REXO1: variants seen among roughly 807,000 people sequenced by gnomAD.
The protein encoded by REXO1 is REX1, RNA exonuclease 1 homolog.
REXO1 carries 42 observed loss-of-function variants against 102.6 expected under a neutral mutation model. The ratio of observed to expected loss-of-function variants is 0.41; its 90% CI spans 0.32 to 0.53. REXO1 has a LOEUF of 0.53. REXO1 is among the 20% of genes least tolerant of loss of function. The pLI is 0.27. For missense variants in REXO1, 1,819 were observed against 1,732.5 expected, an observed-to-expected ratio of 1.05 and a Z score of -0.89; for synonymous variants, 908 against 779.1, an observed-to-expected ratio of 1.17 and a Z score of -2.76.
intron 7 of REXO1, among the ~76,000 whole-genome samples, 176 bp downstream of exon 7, chr19:1,819,758 G>A (rs1016666348): frequency 6.6e-6 from 1 of 152,204 alleles, no homozygotes; most frequent in Non-Finnish European, 1.5e-5. Flanking sequence ...GGCCAGGTCC[G>A]TCCTACACAG....
rs1249409737 is a variant in REXO1 at position 1,828,180 on chromosome 19, G to A, written c.609C>T (p.Pro203=). Reference sequence around the variant, plus strand: ...GCCGCCGGGGCTGGCTCACAGCCTTGGGGACGTATTCCAGGGCACCGCCAC... The same window carrying A: ...GCCGCCGGGGCTGGCTCACAGCCTTAGGGACGTATTCCAGGGCACCGCCAC... ...GGGGGALEYV[P]KAVSQPRRHS... Residue 203 remains proline, a synonymous_variant, in exon 2 of 16, where the codon CCC becomes CCT. Transcript: ENST00000170168. The A allele has an allele frequency of 6.2e-7, 1 of 1,608,412 alleles. No individual in the cohort carries two copies. Among genetic ancestry groups the A allele is most frequent in the Non-Finnish European group, 8.5e-7 (1 of 1,178,466 alleles).
At chr19:1,835,661 G>A (rs1030805037) in intron 1 of REXO1, among the ~76,000 whole-genome samples, 3 of 152,208 alleles carry the variant, frequency 2.0e-5, no homozygotes, top group African/African-American at 7.2e-5. Context: ...GATAGGAGCA[G>A]GTGGGCTCCT....
chr19:1,846,928 T>C (rs915344245), intron 1 of REXO1, among the ~76,000 whole-genome samples: 4 of 152,116 alleles, frequency 2.6e-5, no homozygotes, highest in African/African-American at 7.2e-5. Context: ...GTGAGTCTGG[T>C]GTCACAGCCT....
intron 1 of REXO1, among the ~76,000 whole-genome samples, chr19:1,829,918 T>C (rs1568704237): frequency 6.6e-6 from 1 of 152,200 alleles, no homozygotes; most frequent in South Asian, 2.1e-4. Context: ...GCTGGGACTA[T>C]AGCCCAAGCT....
At chr19:1,829,316 G>A (rs945993293) in intron 1 of REXO1, among the ~76,000 whole-genome samples, 4 of 151,908 alleles carry the variant, frequency 2.6e-5, no homozygotes, top group East Asian at 3.9e-4. Flanking sequence ...TTGGCTCACC[G>A]CAGCCTCTAT....
At chr19:1,824,976 G>A (rs962325767) in intron 3 of REXO1, among the ~76,000 whole-genome samples, 4 of 151,646 alleles carry the variant, frequency 2.6e-5, no homozygotes, top group African/African-American at 4.8e-5. Context: ...TAGTAGAGAC[G>A]GGGTTTCACC....
rs1424597763 is a variant in REXO1 at position 1,816,753 on chromosome 19, C to T, written c.3262G>A (p.Val1088Met). 25 of 1,612,178 alleles carry T rather than the reference C, an allele frequency of 1.6e-5. No homozygotes were observed. The highest frequency in any genetic ancestry group is 2.7e-5 in the African/African-American group (2 of 74,566). Residue 1088 changes from valine to methionine, a missense_variant, in exon 13 of 16, where the codon GTG becomes ATG. Val to Met is a conservative substitution (Grantham distance 21). Transcript: ENST00000170168. Reference sequence around the variant, plus strand: ...GGCTTCACGAAGGTGTCATAAACCACGTGCACGTCCGTGTCGACCACCGTG... The same window carrying T: ...GGCTTCACGAAGGTGTCATAAACCATGTGCACGTCCGTGTCGACCACCGTG... ...RVTVVDTDVHVVYDTFVKPDN... is the reference protein window; with the variant it reads ...RVTVVDTDVHMVYDTFVKPDN...
chr19:1,837,699 G>C (rs1055408137), intron 1 of REXO1, among the ~76,000 whole-genome samples: 2 of 152,090 alleles, frequency 1.3e-5, no homozygotes, highest in East Asian at 1.9e-4. Flanking sequence ...GGTTCTCCTC[G>C]ACCCCCAGGG....
Position 1,816,467 on chromosome 19 carries a change from G to A in REXO1, c.3420C>T (p.Ile1140=), listed in dbSNP as rs144308719. 5.4e-4 allele frequency: 866 copies of A among 1,612,486 alleles called. 7 individuals are homozygous for A. In the African/African-American group the frequency reaches 0.01, roughly 19 times the overall value. The change falls in exon 14 of 16, where the codon ATC becomes ATT. Residue 1140 remains isoleucine, a synonymous_variant. Transcript: ENST00000170168. ...GGAGGTCGCTCTCCAGGCTGTGTCC[G>A]ATGAGGATGGTGTCAGCGCTGAACA... is the stretch of plus-strand genomic sequence containing the variant. The part of the protein sequence containing the change: ...LSMFSADTIL[I]GHSLESDLLA...
intron 4 of REXO1, chr19:1,823,208 C>A (rs541010327): frequency 3.9e-6 from 1 of 255,998 alleles, no homozygotes; most frequent in East Asian, 6.9e-5. Flanking sequence ...CCCACTCACA[C>A]GCCAGGAGAA....
In REXO1 at chr19:1,833,514, G is replaced by C. The variant is rs75435161; in HGVS notation, c.158-4883C>G. Among the ~76,000 whole-genome samples, 1,115 of 152,346 alleles carry C rather than the reference G, an allele frequency of 7.3e-3. 7 individuals are homozygous for C. Among genetic ancestry groups the C allele is most frequent in the Admixed American group, 0.012 (179 of 15,306 alleles). On this transcript the variant is annotated intron_variant, in intron 1 of 15. Coordinates refer to ENST00000170168, the MANE Select transcript of REXO1 (RefSeq NM_020695.4). ...GGGCACCCAACTAGGATCAGCAACT[G>C]TGGCTGCCAGTTCCTCTGTGCGGGG...
chr19:1,836,773 C>T (rs923591785), intron 1 of REXO1, among the ~76,000 whole-genome samples: 2 of 151,270 alleles, frequency 1.3e-5, no homozygotes, highest in Admixed American at 6.6e-5. Context: ...AAAAAGAACC[C>T]GGCAGGCCCA....
rs1204037542 is a variant in REXO1, at chr19:1,821,642, G to A, written c.2271C>T (p.Ser757=). Residue 757 remains serine, a synonymous_variant, in exon 5 of 16, where the codon AGC becomes AGT. Transcript: ENST00000170168. ...CTGGCTCAGGGCCGTTGGAGGACTGGCTGCCGCTGGCCGCAAGGGTCCTCT... is the reference window on the plus strand; with the variant it reads ...CTGGCTCAGGGCCGTTGGAGGACTGACTGCCGCTGGCCGCAAGGGTCCTCT... ...GAKRTLAASG[S]QSSNGPEPGG... is the part of the protein sequence containing the mutation. 1.2e-6 allele frequency: 2 copies of A among 1,613,182 alleles called. No individual in the cohort carries two copies. Among genetic ancestry groups the A allele is most frequent in the Non-Finnish European group, 1.7e-6 (2 of 1,179,756 alleles).
At chr19:1,830,658 C>A (rs2069876682) in intron 1 of REXO1, 1 of 194,596 alleles carries the variant, frequency 5.1e-6, no homozygotes, top group Non-Finnish European at 1.1e-5. Flanking sequence ...GATGGTATAT[C>A]CCCTTAGATG....
chr19:1,818,637 G>A (rs772741170), intron 9 of REXO1, 42 bp from the exon 10 acceptor site: 1 of 1,607,956 alleles, frequency 6.2e-7, no homozygotes, highest in Admixed American at 1.7e-5. Flanking sequence ...CTCACGCTGG[G>A]GCCCGCATGC....
chr19:1,833,781 G>A (rs750869953), intron 1 of REXO1, among the ~76,000 whole-genome samples: 1 of 152,246 alleles, frequency 6.6e-6, no homozygotes, highest in Non-Finnish European at 1.5e-5. Context: ...AGCCCCGGAA[G>A]CCCGGCTGCC....
Position 1,826,928 on chromosome 19 carries a change from T to C in REXO1, c.1861A>G (p.Asn621Asp), listed in dbSNP as rs1411487583. The change falls in exon 2 of 16, where the codon AAC (asparagine) becomes GAC (aspartate). Residue 621 changes from asparagine to aspartate, a missense_variant. Physicochemically the swap from Asn to Asp is conservative, Grantham distance 23 (BLOSUM62 1). Coordinates refer to ENST00000170168, the MANE Select transcript of REXO1 (RefSeq NM_020695.4). This position sits in a 1 kb window ranked among gnomAD's most constrained non-coding sequence, Gnocchi z 4.3. ...DPMEECLRIF[N>D]ESTSVKTEDR... ...TCCGTCTTGACGCTGGTGGACTCGT[T>C]GAAGATCCGCAGGCACTCCTCCATG... The C allele has an allele frequency of 6.3e-7, 1 of 1,583,934 alleles. No homozygotes were observed. Among genetic ancestry groups the C allele is most frequent in the Non-Finnish European group, 8.6e-7 (1 of 1,165,946 alleles).
Position 1,827,837 on chromosome 19 carries a change from T to A in REXO1, c.952A>T (p.Thr318Ser), listed in dbSNP as rs1399283264. 1 of 1,612,028 alleles carries A rather than the reference T, an allele frequency of 6.2e-7. No homozygotes were observed. The highest frequency in any genetic ancestry group is 2.2e-5 in the East Asian group (1 of 44,828). ...CCCTCTTTGGAGGGTGGCTGCCCGGTGGCCTTGATCTCAGGGTCGGCCCTG... is the reference window on the plus strand; with the variant it reads ...CCCTCTTTGGAGGGTGGCTGCCCGGAGGCCTTGATCTCAGGGTCGGCCCTG... ...KARADPEIKA[T>S]GQPPSKEGLE... The change falls in exon 2 of 16, where the codon ACC (threonine) becomes TCC (serine). Residue 318 changes from threonine to serine, a missense_variant. Transcript: ENST00000170168.
chr19:1,819,434 G>C (rs1346801674), intron 7 of REXO1, among the ~76,000 whole-genome samples: 1 of 150,588 alleles, frequency 6.6e-6, no homozygotes, highest in Non-Finnish European at 1.5e-5. Context: ...CAGCACGGGG[G>C]ATCTAATGGC....
Sources: gnomAD v4.1 joint callset for allele counts (sites outside exome capture counted in the v4.1 genomes callset) on GRCh38, gnomAD v4.1.1 for gene constraint, Gnocchi (gnomAD v3.1) non-coding constraint, MANE v1.5 for transcripts, NCBI Gene and HGNC (gene_info 2026-07-23, HGNC 2026-07-21) for gene names.